CA10: variants seen among roughly 807,000 people sequenced by gnomAD.
CA10 encodes the protein carbonic anhydrase 10 (inactive).
Under a neutral mutation model 44.2 loss-of-function variants are expected in CA10, and 14 were observed. The observed-to-expected ratio is 0.32, with a 90% confidence interval of 0.21 to 0.50. CA10 has a LOEUF of 0.50. Ranked by LOEUF, CA10 falls within the 20% of genes least tolerant of loss-of-function variation. CA10 has a pLI of 0.99. For synonymous variants in CA10, 159 were observed against 141.6 expected, an observed-to-expected ratio of 1.12 and a Z score of -0.87; for missense variants, 350 against 409.7, an observed-to-expected ratio of 0.85 and a Z score of 1.26.
chr17:51,833,941 CCACTGGAGG>C (rs1158660316), intron 3 of CA10, among the ~76,000 whole-genome samples: 1 of 152,136 alleles, frequency 6.6e-6, no homozygotes, highest in African/African-American at 2.4e-5. Context: ...TACGGAGAAG[CCACTGGAGG>C]CACTGTAATG....
At chr17:52,001,040 T>A (rs1359357095) in intron 2 of CA10, among the ~76,000 whole-genome samples, 1 of 151,944 alleles carries the variant, frequency 6.6e-6, no homozygotes, top group Non-Finnish European at 1.5e-5. Flanking sequence ...GCCTGACATG[T>A]ACTGAGCACT....
intron 4 of CA10, among the ~76,000 whole-genome samples, chr17:51,700,453 T>G (rs1915556675): frequency 6.6e-6 from 1 of 152,214 alleles, no homozygotes. Context: ...GCTCATGCTC[T>G]GGCCACATTG....
intron 3 of CA10, among the ~76,000 whole-genome samples, chr17:51,816,757 T>A (rs1462012365): frequency 6.6e-6 from 1 of 152,232 alleles, no homozygotes; most frequent in African/African-American, 2.4e-5. Flanking sequence ...TATTACCATA[T>A]TACAAATTTG....
At chr17:51,670,291 T>C (rs1914368349) in intron 4 of CA10, among the ~76,000 whole-genome samples, 1 of 152,188 alleles carries the variant, frequency 6.6e-6, no homozygotes, top group Admixed American at 6.5e-5. Context: ...GGTCATCTCA[T>C]TCAGTTCTTA....
chr17:51,750,028 T>C (rs1376368273), intron 3 of CA10, among the ~76,000 whole-genome samples: 1 of 152,110 alleles, frequency 6.6e-6, no homozygotes, highest in Non-Finnish European at 1.5e-5. Flanking sequence ...AATGTATATT[T>C]AGTTAGTGTG....
chr17:51,753,435 T>C (rs1904961266), intron 3 of CA10, among the ~76,000 whole-genome samples: 1 of 152,220 alleles, frequency 6.6e-6, no homozygotes, highest in South Asian at 2.1e-4. Context: ...CTGGTGACAC[T>C]ATCATGTTTA....
chr17:51,785,478 C>T (rs1906233535), intron 3 of CA10, among the ~76,000 whole-genome samples: 1 of 152,130 alleles, frequency 6.6e-6, no homozygotes, highest in African/African-American at 2.4e-5. Context: ...TATCATCTCA[C>T]CCCAGTTAAA....
intron 2 of CA10, among the ~76,000 whole-genome samples, chr17:51,971,450 G>A (rs1010783444): frequency 3.3e-5 from 5 of 152,032 alleles, no homozygotes; most frequent in African/African-American, 1.2e-4. Flanking sequence ...GTATTATAAA[G>A]GAAATCTTCA....
At chr17:51,802,583 A>AC (rs1164552920) in intron 3 of CA10, among the ~76,000 whole-genome samples, 1 of 151,624 alleles carries the variant, frequency 6.6e-6, no homozygotes, top group African/African-American at 2.4e-5. Context: ...AAAAAAAAAA[A>AC]AAAAACAACC....
At chr17:51,636,050 A>G (rs1912811231) in intron 6 of CA10, 41 bp from the exon 7 acceptor site, 1 of 1,401,034 alleles carries the variant, frequency 7.1e-7, no homozygotes, top group Non-Finnish European at 9.8e-7. Flanking sequence ...GTTTCTTGAG[A>G]AAGGGATGGT....
At chr17:52,002,378 G>T (rs1985455399) in intron 2 of CA10, among the ~76,000 whole-genome samples, 1 of 151,834 alleles carries the variant, frequency 6.6e-6, no homozygotes, top group South Asian at 2.1e-4. Flanking sequence ...AATTCATACA[G>T]GGCCATAAAA....
chr17:52,059,977 C>T (rs896378783), intron 2 of CA10, among the ~76,000 whole-genome samples: 1 of 152,210 alleles, frequency 6.6e-6, no homozygotes, highest in Admixed American at 6.5e-5. Flanking sequence ...CTAGGTCCAA[C>T]TCCATCATTC....
chr17:52,010,024 G>A (rs1985732958), intron 2 of CA10, among the ~76,000 whole-genome samples: 1 of 151,856 alleles, frequency 6.6e-6, no homozygotes, highest in Admixed American at 6.6e-5. Context: ...AAATATCAGG[G>A]AAATACAAAT....
chr17:51,935,144 C>T (rs1401454420), intron 2 of CA10, among the ~76,000 whole-genome samples: 1 of 152,138 alleles, frequency 6.6e-6, no homozygotes, highest in African/African-American at 2.4e-5. Context: ...TGTTATCTTT[C>T]AGGTTTATAG....
At chr17:52,116,233 T>C (rs1320902081) in intron 1 of CA10, among the ~76,000 whole-genome samples, 1 of 152,206 alleles carries the variant, frequency 6.6e-6, no homozygotes, top group African/African-American at 2.4e-5. Flanking sequence ...AGTTAACTTT[T>C]GTGTGAGAGA....
intron 3 of CA10, among the ~76,000 whole-genome samples, chr17:51,751,376 C>T (rs560763385): frequency 6.6e-6 from 1 of 152,280 alleles, no homozygotes; most frequent in South Asian, 2.1e-4. Context: ...TATGAATGTA[C>T]TTAACACCAT....
intron 3 of CA10, among the ~76,000 whole-genome samples, chr17:51,756,870 T>A (rs1440783730): frequency 1.3e-5 from 2 of 152,184 alleles, no homozygotes; most frequent in Non-Finnish European, 2.9e-5. Context: ...TTGGGTTTAA[T>A]GTATCCAGAC....
At chr17:51,823,176 A>G (rs533847760) in intron 3 of CA10, among the ~76,000 whole-genome samples, 3 of 152,332 alleles carry the variant, frequency 2.0e-5, no homozygotes, top group Admixed American at 1.3e-4. Context: ...CTTTCTTTAC[A>G]TGTTGCTGTG....
chr17:51,677,113 G>A (rs16950363), intron 4 of CA10, among the ~76,000 whole-genome samples: 15,400 of 152,244 alleles, frequency 0.1, 986 homozygotes, highest in East Asian at 0.29. Flanking sequence ...TCTGCTACTT[G>A]AGCCTGCAAA....
Sources: allele counts gnomAD v4.1 joint callset (sites outside exome capture counted in the v4.1 genomes callset), GRCh38; gene constraint gnomAD v4.1.1; transcripts MANE v1.5; gene names NCBI Gene and HGNC (gene_info 2026-07-23, HGNC 2026-07-21).